The following CUEDC1 variants were observed in gnomAD, a reference collection of about 807,000 sequenced individuals.
The protein encoded by CUEDC1 is CUE domain containing 1.
In CUEDC1, 30 loss-of-function variants were observed where a neutral mutation model predicts 43.7. That is an observed-to-expected ratio of 0.69 (90% CI 0.51 to 0.93). The LOEUF (loss-of-function observed/expected upper bound fraction) is 0.93, where lower values mean the gene tolerates loss of function less well. Among genes scored for constraint, CUEDC1 ranks in the 40% least tolerant of loss-of-function variants. The pLI, the probability that CUEDC1 is intolerant of heterozygous loss-of-function variation, is 0.00. For missense variants in CUEDC1, 486 were observed against 549.0 expected, an observed-to-expected ratio of 0.89 and a Z score of 1.15; for synonymous variants, 223 against 223.6, an observed-to-expected ratio of 1.00 and a Z score of 0.02.
intron 1 of CUEDC1, among the ~76,000 whole-genome samples, chr17:57,914,663 G>A (rs1383882255): frequency 6.6e-6 from 1 of 152,174 alleles, no homozygotes; most frequent in Non-Finnish European, 1.5e-5. Context: ...TCTTTCCCAT[G>A]TCCAGACTCC....
rs370311273 is a variant in CUEDC1 at position 57,862,029 on chromosome 17, C to T, written c.*1260G>A. 4 of 152,212 alleles carry T rather than the reference C, an allele frequency of 2.6e-5. No individual in the cohort carries two copies. Among genetic ancestry groups the T allele is most frequent in the African/African-American group, 9.6e-5 (4 of 41,458 alleles). The allele number at this position is 152,212 out of a possible 1,614,324, so 9.4% of individuals were successfully genotyped here. ...GATCGCCGGCTCGCCTTCGCTACGC[C>T]CTTGTGATCTTGGGGCCACGGAGGC... is the stretch of plus-strand genomic sequence containing the variant. On this transcript the variant is annotated 3_prime_UTR_variant, in exon 11 of 11. Transcript: ENST00000577830.
At chr17:57,943,993 A>C (rs891802186) in intron 1 of CUEDC1, among the ~76,000 whole-genome samples, 1 of 152,030 alleles carries the variant, frequency 6.6e-6, no homozygotes, top group African/African-American at 2.4e-5. Flanking sequence ...TGGAGCTCAG[A>C]TCCTGCCTCC....
intron 1 of CUEDC1, among the ~76,000 whole-genome samples, chr17:57,939,828 G>A (rs1365104671): frequency 1.3e-5 from 2 of 152,120 alleles, no homozygotes; most frequent in Non-Finnish European, 2.9e-5. Flanking sequence ...GGTGTATTTG[G>A]GAGCTGAGGG....
chr17:57,948,497 C>G (rs963379298), intron 1 of CUEDC1, among the ~76,000 whole-genome samples: 8 of 152,192 alleles, frequency 5.3e-5, no homozygotes, highest in African/African-American at 1.9e-4. Flanking sequence ...TGTTATCGGG[C>G]ATTCTTCAAT....
intron 1 of CUEDC1, among the ~76,000 whole-genome samples, chr17:57,923,054 G>A (rs920387782): frequency 6.6e-6 from 1 of 151,986 alleles, no homozygotes; most frequent in Non-Finnish European, 1.5e-5. Context: ...TCAAGCTCCT[G>A]AGCTCAAGCA....
intron 1 of CUEDC1, among the ~76,000 whole-genome samples, chr17:57,918,942 C>T (rs2143099198): frequency 6.6e-6 from 1 of 152,302 alleles, no homozygotes; most frequent in East Asian, 1.9e-4. Flanking sequence ...CAGCCTCCAC[C>T]TCCCGGGATG....
At chr17:57,899,136 T>C (rs1173297381) in intron 1 of CUEDC1, among the ~76,000 whole-genome samples, 1 of 152,132 alleles carries the variant, frequency 6.6e-6, no homozygotes, top group Admixed American at 6.5e-5. Flanking sequence ...CAGCTGCGGC[T>C]GGGAGGCCGC....
chr17:57,934,278 G>C (rs1209903481), intron 1 of CUEDC1, among the ~76,000 whole-genome samples: 3 of 152,080 alleles, frequency 2.0e-5, no homozygotes, highest in Non-Finnish European at 4.4e-5. Context: ...TATAGTCCCA[G>C]CTACTCGGGA....
intron 1 of CUEDC1, among the ~76,000 whole-genome samples, chr17:57,893,676 G>T (rs1372502816): frequency 6.6e-6 from 1 of 152,248 alleles, no homozygotes; most frequent in Non-Finnish European, 1.5e-5. Context: ...AGCCATTGGA[G>T]AAAAGAGGCC....
In CUEDC1 at chr17:57,885,432, G is replaced by C; in HGVS notation, c.133C>G (p.Leu45Val). 6.2e-7 allele frequency: 1 copy of C among 1,602,520 alleles called. No individual in the cohort carries two copies. Among genetic ancestry groups the C allele is most frequent in the South Asian group, 1.1e-5 (1 of 88,982 alleles). The change falls in exon 2 of 11, where the codon CTG becomes GTG. Residue 45 changes from leucine to valine, a missense_variant. Transcript: ENST00000577830. ...TCGTCCATGGCCTGGTTGAACTCCA[G>C]GCGGCGCACCTGGCGGGCAGGCCGG... The part of the protein sequence containing the change: ...NSRPARQVRR[L>V]EFNQAMDDFK...
Position 57,863,268 on chromosome 17 carries a change from A to C in CUEDC1, c.*21T>G, listed in dbSNP as rs921528240. The stretch of plus-strand genomic sequence containing the variant: ...CCACCGGGTCAGATCATCTCTGGCA[A>C]GGAAGAGCTGCTGGCATCTGGTAGG... On this transcript the variant is annotated 3_prime_UTR_variant, in exon 11 of 11. Coordinates refer to ENST00000577830, the MANE Select transcript of CUEDC1 (RefSeq NM_001271875.2). 2 of 152,666 alleles carry C rather than the reference A, an allele frequency of 1.3e-5. No homozygotes were observed. Among genetic ancestry groups the C allele is most frequent in the African/African-American group, 4.8e-5 (2 of 41,446 alleles). 9.5% of individuals were successfully genotyped at this position (152,666 alleles called of 1,614,324 possible).
intron 6 of CUEDC1, 78 bp from the exon 7 acceptor site, chr17:57,869,271 G>A: frequency 1.6e-6 from 2 of 1,269,704 alleles, no homozygotes; most frequent in Middle Eastern, 1.8e-4. Flanking sequence ...ACCCATCTGA[G>A]GACAAATGCA....
At chr17:57,904,589 C>T (rs900977390) in intron 1 of CUEDC1, among the ~76,000 whole-genome samples, 6 of 152,200 alleles carry the variant, frequency 3.9e-5, no homozygotes, top group African/African-American at 1.4e-4. Flanking sequence ...CCCTGCTCCC[C>T]GTCCCATTTC....
chr17:57,939,593 G>C (rs1229292974), intron 1 of CUEDC1, among the ~76,000 whole-genome samples: 1 of 152,096 alleles, frequency 6.6e-6, no homozygotes, highest in Non-Finnish European at 1.5e-5. Context: ...ACAGCTTCTG[G>C]ACGTGTCTGG....
In CUEDC1 at chr17:57,955,166, G is replaced by T. The variant is rs1429215365; in HGVS notation, c.-316+59C>A. The T allele has an allele frequency of 6.9e-6, 1 of 145,964 alleles. No homozygotes were observed. The highest frequency in any genetic ancestry group is 1.5e-5 in the Non-Finnish European group (1 of 65,674). 9.0% of individuals were successfully genotyped at this position (145,964 alleles called of 1,614,324 possible). A position where few individuals can be genotyped will look rare whatever the true frequency, so the allele number is the denominator to read the frequency against. On this transcript the variant is annotated intron_variant, in intron 1 of 10. Transcript: ENST00000577830. The surrounding 1 kb of genome is among the most constrained non-coding windows in gnomAD (Gnocchi z 5.3). Reference sequence around the variant, plus strand: ...GGCCGCGGCCGGGATTGCGCGCGGGGCGCCGGCGAGGACCGCGCCCGGGGC... The same window carrying T: ...GGCCGCGGCCGGGATTGCGCGCGGGTCGCCGGCGAGGACCGCGCCCGGGGC...
At chr17:57,869,056 C>A in intron 7 of CUEDC1, 66 bp downstream of exon 7, 1 of 1,547,982 alleles carries the variant, frequency 6.5e-7, no homozygotes, top group African/African-American at 1.4e-5. Flanking sequence ...CTCCCTCACT[C>A]CTGGGAGGCC....
At chr17:57,946,915 A>G (rs2074965043) in intron 1 of CUEDC1, among the ~76,000 whole-genome samples, 1 of 152,102 alleles carries the variant, frequency 6.6e-6, no homozygotes, top group Admixed American at 6.5e-5. Flanking sequence ...TCAACACAGG[A>G]GTTCCCTGTT....
At chr17:57,885,167 C>T (rs1234302444) in intron 2 of CUEDC1, 62 bp downstream of exon 2, 25 of 1,484,716 alleles carry the variant, frequency 1.7e-5, no homozygotes, top group Non-Finnish European at 2.1e-5. Flanking sequence ...GGGCCGTGCC[C>T]CTACCTCCGG....
chr17:57,895,207 C>T (rs576964071), intron 1 of CUEDC1, among the ~76,000 whole-genome samples: 1 of 152,282 alleles, frequency 6.6e-6, no homozygotes, highest in African/African-American at 2.4e-5. Context: ...GGTTGAGTAA[C>T]TTGTTCAAGG....
Sources: allele counts gnomAD v4.1 joint callset (sites outside exome capture counted in the v4.1 genomes callset), GRCh38; gene constraint gnomAD v4.1.1; non-coding constraint Gnocchi (gnomAD v3.1); transcripts MANE v1.5; gene names NCBI Gene and HGNC (gene_info 2026-07-23, HGNC 2026-07-21).